The following PTPN4 variants were observed in gnomAD, a reference collection of about 807,000 sequenced individuals.
PTPN4 encodes protein tyrosine phosphatase non-receptor type 4.
In PTPN4, 49 loss-of-function variants were observed where a neutral mutation model predicts 135.5. That is an observed-to-expected ratio of 0.36 (90% CI 0.29 to 0.46). PTPN4 has a LOEUF of 0.46. Ranked by LOEUF, PTPN4 falls within the 20% of genes least tolerant of loss-of-function variation. The pLI, the probability that PTPN4 is intolerant of heterozygous loss-of-function variation, is 1.00. For missense variants in PTPN4, 860 were observed against 1,101.0 expected (o/e 0.78, Z 3.10); for synonymous variants, 333 against 369.9 (o/e 0.90, Z 1.14).
chr2:119,823,513 G>A (rs1385605608), intron 2 of PTPN4, among the ~76,000 whole-genome samples: 1 of 152,176 alleles, frequency 6.6e-6, no homozygotes, highest in Admixed American at 6.5e-5. Context: ...GATTACAGGC[G>A]TGAGCCACCG....
intron 19 of PTPN4, among the ~76,000 whole-genome samples, chr2:119,952,991 C>A (rs1388006665): frequency 1.3e-5 from 2 of 151,972 alleles, no homozygotes; most frequent in Non-Finnish European, 2.9e-5. Context: ...TAAGTTTAAC[C>A]CCCTTTCCTT....
chr2:119,796,015 C>T (rs150755557), intron 1 of PTPN4, among the ~76,000 whole-genome samples: 26 of 152,318 alleles, frequency 1.7e-4, no homozygotes, highest in East Asian at 1.2e-3. Context: ...GGGGTGCCTG[C>T]GGGCCCCTGA....
intron 19 of PTPN4, among the ~76,000 whole-genome samples, chr2:119,952,946 C>T (rs1012533480): frequency 6.6e-6 from 1 of 152,144 alleles, no homozygotes; most frequent in African/African-American, 2.4e-5. Flanking sequence ...TTCTTCAGTC[C>T]TGCTCCTAAG....
At chr2:119,943,947 CAT>C (rs1260788852) in intron 15 of PTPN4, among the ~76,000 whole-genome samples, 1 of 152,100 alleles carries the variant, frequency 6.6e-6, no homozygotes, top group African/African-American at 2.4e-5. Flanking sequence ...CTTCTACCCA[CAT>C]GTCATTGGCC....
At chr2:119,800,382 T>G (rs1691340396) in intron 1 of PTPN4, among the ~76,000 whole-genome samples, 1 of 152,100 alleles carries the variant, frequency 6.6e-6, no homozygotes, top group Non-Finnish European at 1.5e-5. Context: ...CATCTGAATA[T>G]CCCATTCGGT....
At chr2:119,914,248 A>G (rs1031734016) in intron 10 of PTPN4, among the ~76,000 whole-genome samples, 4 of 97,432 alleles carry the variant, frequency 4.1e-5, no homozygotes, top group Non-Finnish European at 7.4e-5. Context: ...TAGTTACTCA[A>G]TTTTTTTTTT....
intron 2 of PTPN4, among the ~76,000 whole-genome samples, chr2:119,846,172 G>A (rs1677496295): frequency 6.6e-6 from 1 of 152,172 alleles, no homozygotes; most frequent in Admixed American, 6.5e-5. Flanking sequence ...GCTATTGTTG[G>A]ATGGAGTGTT....
chr2:119,936,276 C>A (rs919788171), intron 15 of PTPN4, among the ~76,000 whole-genome samples: 2 of 152,084 alleles, frequency 1.3e-5, no homozygotes, highest in African/African-American at 2.4e-5. Context: ...TGCTGGGATT[C>A]CAGGCGTGAG....
At chr2:119,799,711 T>C (rs1558729482) in intron 1 of PTPN4, among the ~76,000 whole-genome samples, 2 of 152,174 alleles carry the variant, frequency 1.3e-5, no homozygotes, top group Non-Finnish European at 2.9e-5. Context: ...TTCCAAAACA[T>C]TTCCCCTGGA....
At chr2:119,781,121 A>G (rs1327417819) in intron 1 of PTPN4, among the ~76,000 whole-genome samples, 1 of 152,062 alleles carries the variant, frequency 6.6e-6, no homozygotes, top group Non-Finnish European at 1.5e-5. Flanking sequence ...TTCTTTGACT[A>G]GTCCTCAGTT....
rs566034625 is a variant in PTPN4 at position 119,889,236 on chromosome 2, G to A, written c.675+3354G>A. Among the ~76,000 whole-genome samples, 11 of 152,196 alleles carry A rather than the reference G, an allele frequency of 7.2e-5. No individual in the cohort carries two copies. In the East Asian group the frequency reaches 7.7e-4, roughly 11 times the overall value. On this transcript the variant is annotated intron_variant, in intron 9 of 26. Transcript: ENST00000263708. ...AGATTGAGACCATCCTGGCTAACGC[G>A]GTGAAACCCCGTCTCTACTAAAAAT...
chr2:119,804,354 T>C (rs1380005835), intron 1 of PTPN4, among the ~76,000 whole-genome samples: 1 of 152,178 alleles, frequency 6.6e-6, no homozygotes, highest in Non-Finnish European at 1.5e-5. Context: ...TAGGTATACA[T>C]GTGCCATGTT....
intron 15 of PTPN4, among the ~76,000 whole-genome samples, chr2:119,935,442 G>A (rs891070183): frequency 6.6e-6 from 1 of 152,142 alleles, no homozygotes; most frequent in Non-Finnish European, 1.5e-5. Context: ...GTGCGATCAG[G>A]GGTAAAGAGT....
chr2:119,802,290 C>G (rs1375564161), intron 1 of PTPN4, among the ~76,000 whole-genome samples: 1 of 152,124 alleles, frequency 6.6e-6, no homozygotes, highest in Non-Finnish European at 1.5e-5. Context: ...TTGCCTTATT[C>G]CTGGTTATAG....
chr2:119,857,239 A>C (rs1434382859), intron 2 of PTPN4, among the ~76,000 whole-genome samples: 2 of 151,864 alleles, frequency 1.3e-5, no homozygotes, highest in African/African-American at 2.4e-5. Context: ...TTTCTATTAG[A>C]AAAGAAAAGT....
chr2:119,956,652 T>A (rs1679291587), intron 20 of PTPN4, among the ~76,000 whole-genome samples, 192 bp from the exon 21 acceptor site: 2 of 152,242 alleles, frequency 1.3e-5, no homozygotes, highest in South Asian at 4.1e-4. Flanking sequence ...ACATAATTTA[T>A]GTTAGAAACT....
intron 1 of PTPN4, among the ~76,000 whole-genome samples, chr2:119,792,723 TCC>T (rs1691171158): frequency 6.6e-6 from 1 of 152,176 alleles, no homozygotes; most frequent in Non-Finnish European, 1.5e-5. Flanking sequence ...TTTTCTATTT[TCC>T]CTAAGTGTCA....
chr2:119,768,763 A>G (rs1045605961), intron 1 of PTPN4, among the ~76,000 whole-genome samples: 1 of 152,166 alleles, frequency 6.6e-6, no homozygotes, highest in Non-Finnish European at 1.5e-5. Flanking sequence ...GCTTGCTGTC[A>G]GGTCCATGTA....
chr2:119,783,342 C>A (rs1411591457), intron 1 of PTPN4, among the ~76,000 whole-genome samples: 1 of 151,340 alleles, frequency 6.6e-6, no homozygotes, highest in South Asian at 2.1e-4. Context: ...CAGGGTTATT[C>A]TCTCATTTGT....
Sources: allele counts gnomAD v4.1 joint callset (sites outside exome capture counted in the v4.1 genomes callset), GRCh38; gene constraint gnomAD v4.1.1; transcripts MANE v1.5; gene names NCBI Gene and HGNC (gene_info 2026-07-23, HGNC 2026-07-21).